The following PLSCR4 variants were observed in gnomAD, a reference collection of about 807,000 sequenced individuals.
PLSCR4 encodes phospholipid scramblase 4.
Under a neutral mutation model 36.3 loss-of-function variants are expected in PLSCR4, and 25 were observed. The observed-to-expected ratio is 0.69, with a 90% CI of 0.50 to 0.96. The LOEUF (loss-of-function observed/expected upper bound fraction) is 0.96. Among genes scored for constraint, PLSCR4 ranks in the 40% least tolerant of loss-of-function variants. The pLI, the probability that PLSCR4 is intolerant of heterozygous loss-of-function variation, is 0.00. For synonymous variants in PLSCR4, 122 were observed against 132.9 expected (o/e 0.92, Z 0.56); for missense variants, 408 against 414.7 (o/e 0.98, Z 0.14).
At chr3:146,222,657 C>CT in intron 1 of PLSCR4, among the ~76,000 whole-genome samples, 1 of 152,160 alleles carries the variant, frequency 6.6e-6, no homozygotes, top group South Asian at 2.1e-4. Context: ...GTGAAGCGAA[C>CT]TGAGGTAAGA....
At chr3:146,206,445 T>C in intron 4 of PLSCR4, 81 bp downstream of exon 4, 1 of 987,466 alleles carries the variant, frequency 1.0e-6, no homozygotes, top group Admixed American at 1.8e-5. Context: ...CTTTATTCAC[T>C]CTGGTCTGCT....
At chr3:146,224,592 T>G (rs2035352221) in intron 1 of PLSCR4, among the ~76,000 whole-genome samples, 1 of 152,032 alleles carries the variant, frequency 6.6e-6, no homozygotes. Flanking sequence ...TTACAGCTCA[T>G]AAAAGCAGTG....
intron 3 of PLSCR4, among the ~76,000 whole-genome samples, chr3:146,213,059 A>G (rs531786469): frequency 9.6e-4 from 146 of 152,284 alleles, no homozygotes; most frequent in African/African-American, 3.4e-3. Context: ...CCAATCTTTT[A>G]TCCATGGGAT....
intron 1 of PLSCR4, among the ~76,000 whole-genome samples, chr3:146,249,854 A>C (rs1292735149): frequency 1.3e-5 from 2 of 152,114 alleles, no homozygotes; most frequent in Non-Finnish European, 2.9e-5. Context: ...ATATCTTCTT[A>C]AAAATAATTT....
intron 5 of PLSCR4, among the ~76,000 whole-genome samples, chr3:146,200,388 T>C (rs16858032): frequency 0.051 from 7,775 of 152,130 alleles, 604 homozygotes; most frequent in African/African-American, 0.17. Context: ...CATTAATTAA[T>C]CAGTTCACGA....
At chr3:146,215,318 T>C (rs2034839932) in intron 3 of PLSCR4, among the ~76,000 whole-genome samples, 1 of 152,012 alleles carries the variant, frequency 6.6e-6, no homozygotes, top group East Asian at 1.9e-4. Context: ...ATATATTGAA[T>C]ATATATGTAT....
Position 146,194,390 on chromosome 3 carries a change from T to C in PLSCR4, c.*21A>G, listed in dbSNP as rs9815240. Reference sequence around the variant, plus strand: ...TTCCATTTTTCAAAATTAACCATAGTTGATGGCTTGCTGTGTCTCTCTATC... The same window carrying C: ...TTCCATTTTTCAAAATTAACCATAGCTGATGGCTTGCTGTGTCTCTCTATC... On this transcript the variant is annotated 3_prime_UTR_variant, in exon 9 of 9. Transcript: ENST00000354952. 3 of 1,578,056 alleles carry C rather than the reference T, an allele frequency of 1.9e-6. No individual in the cohort carries two copies. The highest frequency in any genetic ancestry group is 2.6e-6 in the Non-Finnish European group (3 of 1,147,876).
chr3:146,215,633 A>T (rs574880663), intron 3 of PLSCR4, among the ~76,000 whole-genome samples: 3 of 151,932 alleles, frequency 2.0e-5, no homozygotes, highest in South Asian at 2.1e-4. Context: ...ATATGTATGT[A>T]TATGTTTTTT....
At chr3:146,231,671 G>A (rs888951507) in intron 1 of PLSCR4, among the ~76,000 whole-genome samples, 48 of 152,076 alleles carry the variant, frequency 3.2e-4, no homozygotes, top group Admixed American at 2.4e-3. Flanking sequence ...TTTAAAAAAT[G>A]TCTATTCATA....
At chr3:146,200,200 A>G (rs967981429) in intron 5 of PLSCR4, among the ~76,000 whole-genome samples, 161 bp from the exon 6 acceptor site, 4 of 152,090 alleles carry the variant, frequency 2.6e-5, no homozygotes, top group Non-Finnish European at 5.9e-5. Flanking sequence ...CATATTATCT[A>G]AAAGTATTTA....
intron 1 of PLSCR4, among the ~76,000 whole-genome samples, chr3:146,223,945 TTATA>T (rs2035308631): frequency 7.2e-6 from 1 of 138,338 alleles, no homozygotes; most frequent in Non-Finnish European, 1.6e-5. Flanking sequence ...TATATAATAA[TTATA>T]AATAATAAAT....
chr3:146,231,449 GT>G (rs2035709124), intron 1 of PLSCR4, among the ~76,000 whole-genome samples: 1 of 152,140 alleles, frequency 6.6e-6, no homozygotes, highest in African/African-American at 2.4e-5. Context: ...GCTTTCCATA[GT>G]GGATGAACTA....
intron 6 of PLSCR4, among the ~76,000 whole-genome samples, chr3:146,199,060 TTAA>T (rs2033898801): frequency 6.6e-6 from 1 of 152,072 alleles, no homozygotes; most frequent in South Asian, 2.1e-4. Flanking sequence ...TTGTAAAAAA[TTAA>T]TATTTAGTAA....
At position 146,194,101 on chromosome 3, in the gene PLSCR4, G is replaced by A; in HGVS notation, c.*310C>T. 1 of 249,364 alleles carries A rather than the reference G, an allele frequency of 4.0e-6. No homozygotes were observed. Among genetic ancestry groups the A allele is most frequent in the Non-Finnish European group, 7.6e-6 (1 of 131,530 alleles). The allele number at this position is 249,364 out of a possible 1,614,324, so 15.4% of individuals were successfully genotyped here. A position where few individuals can be genotyped will look rare whatever the true frequency, so the allele number is the denominator to read the frequency against. On this transcript the variant is annotated 3_prime_UTR_variant, in exon 9 of 9. Transcript: ENST00000354952. ...TTATTGTTTCACTACCTATTAATAT[G>A]AGAACTCTGGATTCATTTTCCCTTA...
chr3:146,211,539 TTTAA>T (rs1193917946), intron 3 of PLSCR4, among the ~76,000 whole-genome samples: 4 of 152,166 alleles, frequency 2.6e-5, no homozygotes, highest in African/African-American at 9.6e-5. Context: ...TACAAAACTT[TTTAA>T]TTGTTATGAA....
intron 4 of PLSCR4, among the ~76,000 whole-genome samples, chr3:146,202,965 A>G (rs533751405): frequency 2.9e-4 from 44 of 152,116 alleles, no homozygotes; most frequent in African/African-American, 1.0e-3. Flanking sequence ...TGCTGTTTCC[A>G]TCATATCTGA....
At chr3:146,195,608 C>T (rs2033695110) in intron 7 of PLSCR4, among the ~76,000 whole-genome samples, 1 of 152,162 alleles carries the variant, frequency 6.6e-6, no homozygotes, top group Non-Finnish European at 1.5e-5. Flanking sequence ...GAGAGAGTCA[C>T]TTCCAAACTA....
At chr3:146,234,448 C>T (rs1032581311) in intron 1 of PLSCR4, among the ~76,000 whole-genome samples, 1 of 152,098 alleles carries the variant, frequency 6.6e-6, no homozygotes, top group South Asian at 2.1e-4. Flanking sequence ...GTAATTTTAT[C>T]AGAGAAGGCC....
rs539969744 is a variant in PLSCR4 at position 146,242,913 on chromosome 3, T to C, written c.-22+8047A>G. On this transcript the variant is annotated intron_variant, in intron 1 of 8. Coordinates refer to ENST00000354952, the MANE Select transcript of PLSCR4 (RefSeq NM_020353.3). ...AACACTCATGCAACTGGAAAATACA[T>C]TGTCCACTTTTATATTAGCCATCTA... Among the ~76,000 whole-genome samples the C allele has an allele frequency of 2.0e-4, 30 of 152,310 alleles. No individual in the cohort carries two copies. The South Asian group carries it at 4.6e-3, about 23-fold the overall frequency.
Sources: allele counts gnomAD v4.1 joint callset (sites outside exome capture counted in the v4.1 genomes callset), GRCh38; gene constraint gnomAD v4.1.1; transcripts MANE v1.5; gene names NCBI Gene and HGNC (gene_info 2026-07-23, HGNC 2026-07-21).